CWF19L2: variants seen among roughly 807,000 people sequenced by gnomAD.
CWF19L2 encodes CWF19 like cell cycle control factor 2.
CWF19L2 carries 98 observed loss-of-function variants against 111.7 expected under a neutral mutation model. That is an observed-to-expected ratio of 0.88 (90% CI 0.75 to 1.04). The LOEUF is 1.04. Among genes scored for constraint, CWF19L2 ranks in the 50% least tolerant of loss-of-function variants. The probability of loss-of-function intolerance (pLI) is 0.00; values close to 1 mark genes in which losing one functional copy is unlikely to be tolerated. For missense variants in CWF19L2, 1,101 were observed against 1,051.4 expected (o/e 1.05, Z -0.65); for synonymous variants, 351 against 342.9 (o/e 1.02, Z -0.26).
At chr11:107,358,815 G>C (rs897692118) in intron 12 of CWF19L2, among the ~76,000 whole-genome samples, 2 of 152,148 alleles carry the variant, frequency 1.3e-5, no homozygotes, top group Non-Finnish European at 2.9e-5. Context: ...TTGAACCCAA[G>C]AGTGGCCTTA....
rs1565240383 is a variant in CWF19L2 at position 107,330,647 on chromosome 11, CA to C, written c.2440-629del. On this transcript the variant is annotated intron_variant, in intron 16 of 17. Coordinates refer to ENST00000282251, the MANE Select transcript of CWF19L2 (RefSeq NM_152434.3). The stretch of plus-strand genomic sequence containing the variant: ...CTCTCTACACACACCCCCCCCACCA[CA>C]CACACACACACACACACACACACAC... Among the ~76,000 whole-genome samples the C allele has an allele frequency of 3.3e-3, 81 of 24,710 alleles. 1 individual carries two copies. Among genetic ancestry groups the C allele is most frequent in the East Asian group, 0.016 (5 of 318 alleles). 16.2% of individuals were successfully genotyped at this position (24,710 alleles called of 152,430 possible). A position where few individuals can be genotyped will look rare whatever the true frequency, so the allele number is the denominator to read the frequency against.
chr11:107,390,354 C>G, intron 11 of CWF19L2, 143 bp from the exon 12 acceptor site: 1 of 698,240 alleles, frequency 1.4e-6, no homozygotes, highest in Non-Finnish European at 2.3e-6. Flanking sequence ...CCCTAGTCTG[C>G]CAGTTTCCAT....
intron 10 of CWF19L2, among the ~76,000 whole-genome samples, chr11:107,399,085 C>A (rs989315514): frequency 6.6e-6 from 1 of 152,064 alleles, no homozygotes. Context: ...ATCTTTTACA[C>A]CAAAACAGAA....
intron 7 of CWF19L2, among the ~76,000 whole-genome samples, chr11:107,430,577 A>AG (rs1270633779): frequency 6.6e-6 from 1 of 152,170 alleles, no homozygotes; most frequent in South Asian, 2.1e-4. Flanking sequence ...TCTGAAAAAA[A>AG]GAACAGATGC....
At chr11:107,350,394 C>T (rs1030350244) in intron 13 of CWF19L2, among the ~76,000 whole-genome samples, 1 of 152,056 alleles carries the variant, frequency 6.6e-6, no homozygotes, top group Non-Finnish European at 1.5e-5. Flanking sequence ...TAGGGGACTT[C>T]GGGAGGTGAT....
chr11:107,423,896 A>C (rs1861337103), intron 8 of CWF19L2, among the ~76,000 whole-genome samples: 1 of 151,272 alleles, frequency 6.6e-6, no homozygotes, highest in Non-Finnish European at 1.5e-5. Context: ...AAATGTCAAT[A>C]TGACAATAGA....
intron 12 of CWF19L2, among the ~76,000 whole-genome samples, chr11:107,376,523 A>G (rs79911134): frequency 1.5e-5 from 1 of 65,086 alleles, no homozygotes; most frequent in Non-Finnish European, 2.7e-5. Context: ...CCACATGATT[A>G]TCTCAATAGA....
chr11:107,442,739 G>A (rs111618379), intron 4 of CWF19L2, among the ~76,000 whole-genome samples, 200 bp downstream of exon 4: 3,262 of 28,838 alleles, frequency 0.11, 51 homozygotes, highest in Middle Eastern at 0.2. Context: ...AGAAAGAAAG[G>A]AAGGAAGGAA....
At chr11:107,444,633 C>G (rs1861676497) in intron 3 of CWF19L2, among the ~76,000 whole-genome samples, 1 of 152,142 alleles carries the variant, frequency 6.6e-6, no homozygotes, top group Admixed American at 6.5e-5. Flanking sequence ...TTTGTCTAAC[C>G]AAAGTTTCAC....
intron 12 of CWF19L2, among the ~76,000 whole-genome samples, chr11:107,362,505 G>C (rs1247854418): frequency 6.6e-6 from 1 of 152,114 alleles, no homozygotes; most frequent in African/African-American, 2.4e-5. Context: ...TCCTCAAGTG[G>C]GTCCCTGACC....
At chr11:107,329,309 G>C (rs886367461) in intron 17 of CWF19L2, among the ~76,000 whole-genome samples, 3 of 152,134 alleles carry the variant, frequency 2.0e-5, no homozygotes, top group Admixed American at 2.0e-4. Flanking sequence ...CTGTGGTAGT[G>C]AATCAAAAGA....
Position 107,457,763 on chromosome 11 carries a change from G to C in CWF19L2, c.54C>G (p.Ile18Met). ...TCCGGGTCTGTTCTTTCCGCTCTTC[G>C]ATACTCTTCGCACTTTCAAATCTAC... ...ASGRFESAKS[I>M]EERKEQTRNA... Residue 18 changes from isoleucine (I) to methionine (M), a missense_variant, in exon 1 of 18, where the codon ATC (isoleucine) becomes ATG (methionine). By Grantham distance (10) the Ile-to-Met change is conservative (BLOSUM62 1). Transcript: ENST00000282251. The C allele has an allele frequency of 6.4e-7, 1 of 1,551,700 alleles. No individual in the cohort carries two copies. The highest frequency in any genetic ancestry group is 8.7e-7 in the Non-Finnish European group (1 of 1,146,986).
intron 12 of CWF19L2, among the ~76,000 whole-genome samples, chr11:107,378,091 G>C (rs1410469212): frequency 6.6e-6 from 1 of 150,846 alleles, no homozygotes; most frequent in Non-Finnish European, 1.5e-5. Flanking sequence ...CAGTTAGAAT[G>C]GCAATCATTA....
intron 12 of CWF19L2, among the ~76,000 whole-genome samples, chr11:107,375,006 A>G (rs1179712810): frequency 7.1e-6 from 1 of 140,296 alleles, no homozygotes; most frequent in African/African-American, 2.7e-5. Context: ...AACCAACAAA[A>G]ATCAAAAGAG....
intron 12 of CWF19L2, among the ~76,000 whole-genome samples, chr11:107,373,936 G>A (rs1378468255): frequency 7.4e-6 from 1 of 135,688 alleles, no homozygotes; most frequent in East Asian, 2.1e-4. Flanking sequence ...GGAGCTGATG[G>A]AGCTGAAAAC....
intron 10 of CWF19L2, among the ~76,000 whole-genome samples, chr11:107,406,493 G>C (rs1861079973): frequency 6.6e-6 from 1 of 152,336 alleles, no homozygotes; most frequent in African/African-American, 2.4e-5. Context: ...TAACTGAGAT[G>C]TATGTCCTAG....
chr11:107,327,001 A>T lies in CWF19L2; in HGVS notation c.2594T>A (p.Ile865Asn). The part of the protein sequence containing the change: ...DIEPRLWRKG[I>N]RESFEDQRKK... Reference sequence around the variant, plus strand: ...CCTCTGATCCTCAAAGCTTTCTCGGATGCCTTTCCTCCAAAGTCTTGGTTC... The same window carrying T: ...CCTCTGATCCTCAAAGCTTTCTCGGTTGCCTTTCCTCCAAAGTCTTGGTTC... Residue 865 changes from isoleucine to asparagine, a missense_variant, in exon 18 of 18, where the codon ATC becomes AAC. By Grantham distance (149) the Ile-to-Asn change is moderately radical (BLOSUM62 -3). Coordinates refer to ENST00000282251, the MANE Select transcript of CWF19L2 (RefSeq NM_152434.3). 1 of 1,612,280 alleles carries T rather than the reference A, an allele frequency of 6.2e-7. No individual in the cohort carries two copies. The highest frequency in any genetic ancestry group is 8.5e-7 in the Non-Finnish European group (1 of 1,179,034).
chr11:107,435,952 A>G (rs910853365), intron 6 of CWF19L2, among the ~76,000 whole-genome samples: 3 of 152,052 alleles, frequency 2.0e-5, no homozygotes, highest in Non-Finnish European at 4.4e-5. Flanking sequence ...TCAAGAGATC[A>G]AGACCAGCCT....
intron 10 of CWF19L2, among the ~76,000 whole-genome samples, chr11:107,409,297 G>A (rs925621614): frequency 3.9e-5 from 6 of 152,016 alleles, no homozygotes; most frequent in African/African-American, 1.4e-4. Context: ...ACAAAATGAT[G>A]AATGTATCTG....
Sources: allele counts gnomAD v4.1 joint callset (sites outside exome capture counted in the v4.1 genomes callset), GRCh38; gene constraint gnomAD v4.1.1; transcripts MANE v1.5; gene names NCBI Gene and HGNC (gene_info 2026-07-23, HGNC 2026-07-21).